ADGRB3: variants seen among roughly 807,000 people sequenced by gnomAD.
ADGRB3 encodes the protein adhesion G protein-coupled receptor B3.
ADGRB3 carries 37 observed loss-of-function variants against 193.4 expected under a neutral mutation model. The ratio of observed to expected loss-of-function variants is 0.19; its 90% confidence interval spans 0.15 to 0.25. The LOEUF (loss-of-function observed/expected upper bound fraction) is 0.25. Ranked by LOEUF, ADGRB3 falls within the 10% of genes least tolerant of loss-of-function variation. ADGRB3 has a pLI of 1.00. For synonymous variants in ADGRB3, 690 were observed against 644.2 expected, an observed-to-expected ratio of 1.07 and a Z score of -1.08; for missense variants, 1,637 against 1,852.9, an observed-to-expected ratio of 0.88 and a Z score of 2.14.
intron 16 of ADGRB3, among the ~76,000 whole-genome samples, chr6:69,073,887 A>T (rs897041861): frequency 6.6e-6 from 1 of 152,144 alleles, no homozygotes; most frequent in Admixed American, 6.5e-5. Flanking sequence ...CCAGTCTTTC[A>T]TCTGGAGGAG....
intron 11 of ADGRB3, among the ~76,000 whole-genome samples, chr6:69,005,593 C>T (rs564227436): frequency 3.9e-5 from 6 of 152,140 alleles, no homozygotes; most frequent in African/African-American, 1.4e-4. Context: ...TACAGGCGTA[C>T]GCCACCATTC....
At chr6:69,131,913 G>A (rs752718674) in intron 17 of ADGRB3, among the ~76,000 whole-genome samples, 43 of 152,116 alleles carry the variant, frequency 2.8e-4, no homozygotes, top group Non-Finnish European at 5.7e-4. Context: ...TGCTGAGAAT[G>A]ATGGTTTACA....
chr6:68,639,583 T>C, intron 3 of ADGRB3, 151 bp downstream of exon 3: 2 of 1,166,438 alleles, frequency 1.7e-6, no homozygotes, highest in Non-Finnish European at 1.2e-6. Context: ...TAAAGGTCTC[T>C]TGAGCTAGTT....
At chr6:68,981,525 T>C (rs1319614967) in intron 10 of ADGRB3, among the ~76,000 whole-genome samples, 1 of 151,714 alleles carries the variant, frequency 6.6e-6, no homozygotes, top group Non-Finnish European at 1.5e-5. Flanking sequence ...ATTGACTTTA[T>C]GTATTGTATT....
intron 13 of ADGRB3, among the ~76,000 whole-genome samples, chr6:69,036,473 A>G (rs147494213): frequency 1.6e-3 from 247 of 152,302 alleles, no homozygotes; most frequent in African/African-American, 4.7e-3. Flanking sequence ...TTATTGCACC[A>G]AACTCACTAT....
intron 17 of ADGRB3, among the ~76,000 whole-genome samples, chr6:69,089,409 A>G (rs1772643269): frequency 6.6e-6 from 1 of 152,156 alleles, no homozygotes; most frequent in South Asian, 2.1e-4. Context: ...TTAAAGGGAA[A>G]ATTTTTGAAT....
At chr6:68,894,984 A>C (rs1007517496) in intron 3 of ADGRB3, among the ~76,000 whole-genome samples, 12 of 151,986 alleles carry the variant, frequency 7.9e-5, no homozygotes, top group African/African-American at 2.9e-4. Flanking sequence ...TGAAAAAAAA[A>C]GTCTGCTTTT....
intron 5 of ADGRB3, among the ~76,000 whole-genome samples, chr6:68,940,848 T>C (rs1425443358): frequency 6.6e-6 from 1 of 152,090 alleles, no homozygotes; most frequent in African/African-American, 2.4e-5. Flanking sequence ...GCCGAGATCG[T>C]GCCACTGCAC....
chr6:69,181,473 C>T (rs1428419513), intron 17 of ADGRB3, among the ~76,000 whole-genome samples: 1 of 151,940 alleles, frequency 6.6e-6, no homozygotes, highest in African/African-American at 2.4e-5. Context: ...ATTATAAAAA[C>T]ATCTGAGACG....
rs144849006 is a variant in ADGRB3, at chr6:69,151,353, T to C, written c.2480+75315T>C. The stretch of plus-strand genomic sequence containing the variant: ...GTTCCTTCTGTGGGCATCAGTTGAG[T>C]TTTGCCTGGTGTTGCTTCCCACTAT... On this transcript the variant is annotated intron_variant, in intron 17 of 31. Transcript: ENST00000370598. 2.8e-3 allele frequency among the ~76,000 whole-genome samples: 432 copies of C among 152,282 alleles called. 2 individuals are homozygous for C. The highest frequency in any genetic ancestry group is 9.9e-3 in the African/African-American group (410 of 41,570).
At position 68,639,016 on chromosome 6, in the gene ADGRB3, C is replaced by A. The variant is rs553411317; in HGVS notation, c.341C>A (p.Ser114Tyr). The change falls in exon 3 of 32, where the codon TCC (serine) becomes TAC (tyrosine). Residue 114 changes from serine to tyrosine, a missense_variant. Ser to Tyr is a moderately radical substitution (Grantham distance 144, BLOSUM62 -2). Coordinates refer to ENST00000370598, the MANE Select transcript of ADGRB3 (RefSeq NM_001704.3). ...KNHSIMQLCNSKNAFVFLQYD... is the reference protein window; with the variant it reads ...KNHSIMQLCNYKNAFVFLQYD... ...CATTCTATAATGCAACTCTGCAATT[C>A]CAAGAATGCTTTCGTTTTTCTACAG... 8.7e-6 allele frequency: 14 copies of A among 1,613,132 alleles called. No individual in the cohort carries two copies. The highest frequency in any genetic ancestry group is 1.1e-5 in the Non-Finnish European group (13 of 1,179,788).
intron 6 of ADGRB3, among the ~76,000 whole-genome samples, chr6:68,945,486 T>G (rs1725159429): frequency 6.6e-6 from 1 of 152,066 alleles, no homozygotes; most frequent in Non-Finnish European, 1.5e-5. Flanking sequence ...CAACAAAGAT[T>G]TGGAAAAATT....
chr6:69,114,818 T>C (rs1470675941), intron 17 of ADGRB3, among the ~76,000 whole-genome samples: 1 of 152,202 alleles, frequency 6.6e-6, no homozygotes, highest in Non-Finnish European at 1.5e-5. Flanking sequence ...ATCAGAAATT[T>C]ATGCAGCCAA....
chr6:68,933,550 A>G (rs1294543620), intron 4 of ADGRB3, among the ~76,000 whole-genome samples: 1 of 152,218 alleles, frequency 6.6e-6, no homozygotes, highest in East Asian at 1.9e-4. Flanking sequence ...CCAAGATCAC[A>G]CCATTGCACT....
At chr6:69,024,582 C>T (rs965351940) in intron 13 of ADGRB3, among the ~76,000 whole-genome samples, 8 of 152,076 alleles carry the variant, frequency 5.3e-5, no homozygotes, top group African/African-American at 1.9e-4. Context: ...TGGTTTTAGG[C>T]TAAATAAGAT....
chr6:69,207,411 C>A (rs1765562488), intron 17 of ADGRB3, among the ~76,000 whole-genome samples: 1 of 152,088 alleles, frequency 6.6e-6, no homozygotes. Flanking sequence ...CCAAATAGCC[C>A]CCCTAGGCAT....
intron 13 of ADGRB3, among the ~76,000 whole-genome samples, chr6:69,032,990 C>G (rs1012547768): frequency 6.6e-6 from 1 of 152,292 alleles, no homozygotes; most frequent in East Asian, 1.9e-4. Flanking sequence ...AGTAGCCACT[C>G]AGTCCCTTGC....
At chr6:68,821,287 A>C (rs952709700) in intron 3 of ADGRB3, among the ~76,000 whole-genome samples, 1 of 151,980 alleles carries the variant, frequency 6.6e-6, no homozygotes, top group Non-Finnish European at 1.5e-5. Context: ...TCATCACTTC[A>C]GTCTAAAAAC....
chr6:68,918,807 T>C (rs1049811956), intron 3 of ADGRB3, among the ~76,000 whole-genome samples: 1 of 152,176 alleles, frequency 6.6e-6, no homozygotes, highest in African/African-American at 2.4e-5. Context: ...TTTTTTTCTT[T>C]AATCCCTTCC....
Sources: gnomAD v4.1 joint callset for allele counts (sites outside exome capture counted in the v4.1 genomes callset) on GRCh38, gnomAD v4.1.1 for gene constraint, MANE v1.5 for transcripts, NCBI Gene and HGNC (gene_info 2026-07-23, HGNC 2026-07-21) for gene names.